TENM3: variants seen among roughly 807,000 people sequenced by gnomAD.
The protein encoded by TENM3 is teneurin-3.
In TENM3, 63 loss-of-function variants were observed where a neutral mutation model predicts 255.1. The ratio of observed to expected loss-of-function variants is 0.25; its 90% CI spans 0.20 to 0.30. TENM3 has a LOEUF of 0.30. TENM3 is among the 10% of genes least tolerant of loss of function. TENM3 has a pLI of 1.00. For synonymous variants in TENM3, 1,306 were observed against 1,322.3 expected, an observed-to-expected ratio of 0.99 and a Z score of 0.27; for missense variants, 2,929 against 3,461.1, an observed-to-expected ratio of 0.85 and a Z score of 3.86.
At chr4:182,713,389 G>A (rs796604987) in intron 12 of TENM3, among the ~76,000 whole-genome samples, 3 of 152,288 alleles carry the variant, frequency 2.0e-5, no homozygotes, top group African/African-American at 7.2e-5. Flanking sequence ...TCCGTATGCA[G>A]CCTGAATCCT....
the TENM3 span, among the ~76,000 whole-genome samples, chr4:182,060,544 C>T: frequency 6.6e-6 from 1 of 152,166 alleles, no homozygotes; most frequent in Non-Finnish European, 1.5e-5. Context: ...ACACTCACCT[C>T]CTGCTGTGTG....
At chr4:182,487,020 C>T (rs923283095) in intron 3 of TENM3, among the ~76,000 whole-genome samples, 2 of 152,164 alleles carry the variant, frequency 1.3e-5, no homozygotes, top group South Asian at 2.1e-4. Context: ...TCTAGTACCA[C>T]ATCTCACTCG....
At chr4:181,782,441 G>A in the TENM3 span, among the ~76,000 whole-genome samples, 8 of 152,074 alleles carry the variant, frequency 5.3e-5, no homozygotes, top group African/African-American at 1.7e-4. Context: ...ATGGTAGTTC[G>A]TATTTCTGTG....
the TENM3 span, among the ~76,000 whole-genome samples, chr4:181,780,730 G>A: frequency 1.3e-5 from 2 of 152,152 alleles, no homozygotes; most frequent in African/African-American, 2.4e-5. Context: ...GTCCTGAATG[G>A]TATTGCTTAG....
chr4:182,391,866 G>T (rs960601092), intron 3 of TENM3, among the ~76,000 whole-genome samples: 24 of 151,126 alleles, frequency 1.6e-4, no homozygotes, highest in Non-Finnish European at 3.0e-5. Context: ...TCTACAAAAT[G>T]GGCAAAAAAA....
chr4:182,080,587 T>C, the TENM3 span, among the ~76,000 whole-genome samples: 1 of 152,366 alleles, frequency 6.6e-6, no homozygotes. Flanking sequence ...TACTTCTAAA[T>C]GTACTATCCA....
the TENM3 span, among the ~76,000 whole-genome samples, chr4:182,085,318 T>C: frequency 6.6e-6 from 1 of 152,168 alleles, no homozygotes; most frequent in Non-Finnish European, 1.5e-5. Context: ...TTTCTCTAAT[T>C]GGGCTTCCTC....
the TENM3 span, among the ~76,000 whole-genome samples, chr4:181,925,812 A>G: frequency 2.7e-4 from 41 of 152,318 alleles, no homozygotes; most frequent in African/African-American, 9.6e-4. Flanking sequence ...CAATCAGAAT[A>G]TTCCTAAACA....
At chr4:182,169,338 G>T (rs992306541) in intron 1 of TENM3, 2 of 475,196 alleles carry the variant, frequency 4.2e-6, no homozygotes, top group Admixed American at 4.7e-5. Context: ...TTATTGTAAA[G>T]ATACTTTTCA....
intron 3 of TENM3, among the ~76,000 whole-genome samples, chr4:182,538,877 T>A (rs1193497928): frequency 3.3e-5 from 5 of 151,536 alleles, no homozygotes; most frequent in Non-Finnish European, 7.4e-5. Context: ...TAGAACAAGG[T>A]TTGGGGGCTG....
intron 1 of TENM3, among the ~76,000 whole-genome samples, chr4:182,230,444 C>T (rs1460992242): frequency 2.0e-5 from 3 of 152,090 alleles, no homozygotes; most frequent in Admixed American, 6.5e-5. Flanking sequence ...CTTCTGAACC[C>T]TGGCGAACCT....
At chr4:182,464,677 G>A (rs1031100158) in intron 3 of TENM3, among the ~76,000 whole-genome samples, 2 of 152,178 alleles carry the variant, frequency 1.3e-5, no homozygotes, top group South Asian at 2.1e-4. Flanking sequence ...TAAAGGTTAT[G>A]AAGTTACAAA....
intron 3 of TENM3, among the ~76,000 whole-genome samples, chr4:182,591,795 GC>G (rs758585287): frequency 3.3e-5 from 5 of 152,092 alleles, no homozygotes; most frequent in Non-Finnish European, 7.4e-5. Flanking sequence ...TTTTTATTAT[GC>G]CATTTTAGGT....
chr4:182,782,994 C>T (rs1199542556), intron 24 of TENM3, among the ~76,000 whole-genome samples: 3 of 151,148 alleles, frequency 2.0e-5, no homozygotes, highest in Non-Finnish European at 4.4e-5. Flanking sequence ...ACTGATGGGT[C>T]TTGACTCTTT....
chr4:182,277,213 T>C (rs1321447396), intron 1 of TENM3, among the ~76,000 whole-genome samples: 1 of 152,186 alleles, frequency 6.6e-6, no homozygotes, highest in Non-Finnish European at 1.5e-5. Flanking sequence ...TTTGGTGGAA[T>C]TAGTTTATGT....
intron 3 of TENM3, among the ~76,000 whole-genome samples, chr4:182,439,058 C>T (rs1281739026): frequency 1.3e-5 from 2 of 152,194 alleles, no homozygotes; most frequent in Non-Finnish European, 2.9e-5. Context: ...TCAGGAGTTA[C>T]ATTTAACTTG....
the TENM3 span, among the ~76,000 whole-genome samples, chr4:181,657,569 G>C: frequency 2.0e-5 from 3 of 152,208 alleles, no homozygotes; most frequent in African/African-American, 7.2e-5. Context: ...GGCCACTGCA[G>C]AAAGCACTTT....
intron 18 of TENM3, among the ~76,000 whole-genome samples, chr4:182,739,358 A>C (rs1400397559): frequency 6.6e-6 from 1 of 152,208 alleles, no homozygotes; most frequent in Non-Finnish European, 1.5e-5. Context: ...CATTTTGCCC[A>C]CATGCTAGCT....
the TENM3 span, among the ~76,000 whole-genome samples, chr4:181,713,346 T>G: frequency 1.3e-5 from 2 of 152,184 alleles, no homozygotes; most frequent in South Asian, 4.1e-4. Context: ...GGTGAGCTCC[T>G]AAATGTTGCT....
Sources: allele counts gnomAD v4.1 joint callset (sites outside exome capture counted in the v4.1 genomes callset), GRCh38; gene constraint gnomAD v4.1.1; transcripts MANE v1.5; gene names NCBI Gene and HGNC (gene_info 2026-07-23, HGNC 2026-07-21).